The following KLHL20 variants were observed in gnomAD, a reference collection of about 807,000 sequenced individuals.
The protein encoded by KLHL20 is kelch like family member 20.
Under a neutral mutation model 69.5 loss-of-function variants are expected in KLHL20, and 29 were observed. The observed-to-expected ratio is 0.42, with a 90% confidence interval of 0.31 to 0.57. KLHL20 has a LOEUF of 0.57. Among genes scored for constraint, KLHL20 ranks in the 20% least tolerant of loss-of-function variants. KLHL20 has a pLI of 0.18. For missense variants in KLHL20, 419 were observed against 776.0 expected (o/e 0.54, Z 5.47); for synonymous variants, 253 against 265.2 (o/e 0.95, Z 0.45).
chr1:173,715,286 G>C (rs1384715849), intron 1 of KLHL20: 1 of 152,312 alleles, frequency 6.6e-6, no homozygotes, highest in Non-Finnish European at 1.5e-5. Context: ...CCTATCTCGG[G>C]AGCCAGAGGA....
intron 2 of KLHL20, among the ~76,000 whole-genome samples, chr1:173,730,490 C>A (rs1052505157): frequency 1.7e-4 from 26 of 152,034 alleles, no homozygotes; most frequent in African/African-American, 6.0e-4. Flanking sequence ...CTACAGTAAC[C>A]AAAACAGCAT....
intron 2 of KLHL20, among the ~76,000 whole-genome samples, chr1:173,730,579 A>G (rs1272443052): frequency 6.6e-6 from 1 of 152,208 alleles, no homozygotes; most frequent in Non-Finnish European, 1.5e-5. Context: ...ATCTACAACT[A>G]TCTGATCTTT....
intron 7 of KLHL20, among the ~76,000 whole-genome samples, chr1:173,758,602 C>T (rs570562809): frequency 1.5e-3 from 232 of 152,322 alleles, no homozygotes; most frequent in Non-Finnish European, 2.5e-3. Context: ...AAACACACAC[C>T]CCCACTGGAG....
intron 10 of KLHL20, among the ~76,000 whole-genome samples, chr1:173,778,508 G>T (rs966147095): frequency 4.8e-5 from 7 of 146,862 alleles, no homozygotes; most frequent in East Asian, 4.0e-4. Context: ...TTTGTTTTTT[G>T]TTTTTTTTTT....
chr1:173,775,986 T>C (rs1648439892), intron 10 of KLHL20, 144 bp downstream of exon 10: 1 of 677,826 alleles, frequency 1.5e-6, no homozygotes, highest in Non-Finnish European at 2.5e-6. Context: ...CTGGATCATA[T>C]GATATTTCTA....
At chr1:173,765,650 AAAT>A (rs1474433609) in intron 7 of KLHL20, among the ~76,000 whole-genome samples, 1 of 152,230 alleles carries the variant, frequency 6.6e-6, no homozygotes, top group Non-Finnish European at 1.5e-5. Context: ...GAATATAATT[AAAT>A]AATGTATAAC....
In KLHL20 at chr1:173,753,265, C is replaced by T. The variant is rs1410744964; in HGVS notation, c.809C>T (p.Thr270Ile). 3.7e-6 allele frequency: 6 copies of T among 1,613,968 alleles called. No individual in the cohort carries two copies. In the Admixed American group the frequency reaches 6.7e-5, roughly 18 times the overall value. ...CTTAGTCCCAAGTTCCTGGTCGGCACAGTAGGCTCTGATCCCCTCATCAAA... is the reference window on the plus strand; with the variant it reads ...CTTAGTCCCAAGTTCCTGGTCGGCATAGTAGGCTCTGATCCCCTCATCAAA... ...PLLSPKFLVG[T>I]VGSDPLIKSD... The change falls in exon 5 of 12, where the codon ACA (threonine) becomes ATA (isoleucine). Residue 270 changes from threonine (T) to isoleucine (I), a missense_variant. Physicochemically the swap from Thr to Ile is moderately conservative, Grantham distance 89 (BLOSUM62 -1). Around this residue, in one of 6 missense-constraint regions of KLHL20, gnomAD observed 99 missense variants for 240.7 expected, o/e 0.41. Transcript: ENST00000209884.
At chr1:173,782,791 A>C (rs1408675687) in intron 11 of KLHL20, among the ~76,000 whole-genome samples, 1 of 152,216 alleles carries the variant, frequency 6.6e-6, no homozygotes, top group Non-Finnish European at 1.5e-5. Flanking sequence ...TTTGCTTTTA[A>C]ATCCTCAATT....
intron 2 of KLHL20, among the ~76,000 whole-genome samples, chr1:173,727,684 A>G (rs527893891): frequency 1.3e-5 from 2 of 152,196 alleles, no homozygotes. Flanking sequence ...AAGATCCTTT[A>G]CAGACAAGCA....
rs1034486896 is a variant in KLHL20, at chr1:173,736,309, C to T, written c.597+2023C>T. ...TATTCTGTGGTATATATACATACCA[C>T]ATTTTCTTTATCCACTTGTTGATTG... is the stretch of plus-strand genomic sequence containing the variant. On this transcript the variant is annotated intron_variant, in intron 3 of 11. Transcript: ENST00000209884. 2.1e-4 allele frequency among the ~76,000 whole-genome samples: 32 copies of T among 151,970 alleles called. 1 individual carries two copies. The highest frequency in any genetic ancestry group is 2.1e-3 in the Admixed American group (32 of 15,254).
At chr1:173,741,617 C>A in intron 3 of KLHL20, 1 of 456,186 alleles carries the variant, frequency 2.2e-6, no homozygotes, top group Non-Finnish European at 3.7e-6. Context: ...CAAAGCCAAG[C>A]TGGGGAAAAA....
chr1:173,747,350 C>G (rs930733049), intron 3 of KLHL20, among the ~76,000 whole-genome samples: 1 of 151,922 alleles, frequency 6.6e-6, no homozygotes, highest in Admixed American at 6.6e-5. Context: ...TATGCATAAT[C>G]ATAACTTTAT....
chr1:173,754,824 T>A (rs1673468966), intron 5 of KLHL20, among the ~76,000 whole-genome samples: 1 of 152,228 alleles, frequency 6.6e-6, no homozygotes, highest in Non-Finnish European at 1.5e-5. Context: ...TTCTTTTTGC[T>A]GCAGTTTCTT....
At chr1:173,759,246 T>C (rs1397709343) in intron 7 of KLHL20, among the ~76,000 whole-genome samples, 1 of 152,118 alleles carries the variant, frequency 6.6e-6, no homozygotes, top group Non-Finnish European at 1.5e-5. Flanking sequence ...AAGGAGAGTC[T>C]GAGCTCAGAC....
In KLHL20 at chr1:173,733,911, G is replaced by A. The variant is rs1445512433; in HGVS notation, c.222G>A (p.Val74=). The change falls in exon 3 of 12, where the codon GTG becomes GTA. Residue 74 remains valine (V), a synonymous_variant. Transcript: ENST00000209884. ...AGCTATGTGATGTGGTGCTAGTTGT[G>A]GGCGCCAAGAAGATATATGCCCATC... The part of the protein sequence containing the change: ...HRELCDVVLV[V]GAKKIYAHRV... The A allele has an allele frequency of 6.2e-7, 1 of 1,614,050 alleles. No individual in the cohort carries two copies.
At chr1:173,769,284 T>C (rs1347973191) in intron 8 of KLHL20, among the ~76,000 whole-genome samples, 2 of 151,850 alleles carry the variant, frequency 1.3e-5, no homozygotes, top group Non-Finnish European at 2.9e-5. Context: ...AAAGGGGGGA[T>C]GAAGGGGAAT....
intron 8 of KLHL20, among the ~76,000 whole-genome samples, chr1:173,771,624 C>T (rs889535303): frequency 1.3e-5 from 2 of 152,012 alleles, no homozygotes; most frequent in African/African-American, 4.8e-5. Context: ...TTTAATTAGC[C>T]AGGCATGGTG....
In KLHL20 at chr1:173,786,061, G is replaced by C. The variant is rs533890986; in HGVS notation, c.*814G>C. ...ACAGTTTTTGCTCAAAAATGTTACT[G>C]ACTAAAGCAACTGTCCTTCCTGTTT... On this transcript the variant is annotated 3_prime_UTR_variant, in exon 12 of 12. Transcript: ENST00000209884. 1 of 152,342 alleles carries C rather than the reference G, an allele frequency of 6.6e-6. No individual in the cohort carries two copies. Among genetic ancestry groups the C allele is most frequent in the Non-Finnish European group, 1.5e-5 (1 of 68,018 alleles). 9.4% of individuals were successfully genotyped at this position (152,342 alleles called of 1,614,324 possible).
At chr1:173,784,731 TAA>T (rs1417572960) in intron 11 of KLHL20, among the ~76,000 whole-genome samples, 2 of 152,092 alleles carry the variant, frequency 1.3e-5, no homozygotes, top group Non-Finnish European at 2.9e-5. Context: ...AGAGTACATA[TAA>T]GACAAAGGGA....
Sources: gnomAD v4.1 joint callset for allele counts (sites outside exome capture counted in the v4.1 genomes callset) on GRCh38, gnomAD v4.1.1 for gene constraint, gnomAD v4.1.1 regional missense constraint, MANE v1.5 for transcripts, NCBI Gene and HGNC (gene_info 2026-07-23, HGNC 2026-07-21) for gene names.